Variants in PRDX4 observed in about 807,000 individuals in gnomAD.
The protein encoded by PRDX4 is peroxiredoxin-4.
PRDX4 carries 12 observed loss-of-function variants against 20.5 expected under a neutral mutation model. That is an observed-to-expected ratio of 0.58 (90% CI 0.37 to 0.95). The LOEUF is 0.95. PRDX4 is among the 40% of genes least tolerant of loss of function. The pLI is 0.01. For missense variants in PRDX4, 180 were observed against 207.3 expected (o/e 0.87, Z 0.81); for synonymous variants, 99 against 87.5 (o/e 1.13, Z -0.73).
chrX:23,671,685 T>C, intron 2 of PRDX4, 39 bp downstream of exon 2: 1 of 1,000,532 alleles, frequency 1.0e-6, no homozygotes, highest in African/African-American at 1.9e-5. Flanking sequence ...AATCTCAGTC[T>C]TTATCAATTA....
intron 4 of PRDX4, among the ~76,000 whole-genome samples, chrX:23,680,085 G>A (rs992420092): frequency 8.9e-6 from 1 of 112,588 alleles, no homozygotes; most frequent in African/African-American, 3.2e-5. Flanking sequence ...AACTATGTTA[G>A]CATCATAGAC....
Position 23,671,654 on chromosome X carries a change from A to T in PRDX4, c.359+8A>T. ...CTTCTACCCACTTGATTTGTAAGTA[A>T]TACATGTAAATAGCTAGTAAAATCT... On this transcript the variant is annotated splice_region_variant and intron_variant, in intron 2 of 6. Coordinates refer to ENST00000379341, the MANE Select transcript of PRDX4 (RefSeq NM_006406.2). 2.9e-6 allele frequency: 3 copies of T among 1,049,188 alleles called. No homozygotes were observed. Among genetic ancestry groups the T allele is most frequent in the Non-Finnish European group, 3.9e-6 (3 of 764,674 alleles). The allele number at this position is 1,049,188 out of a possible 1,213,427, so 86.5% of individuals were successfully genotyped here. A position where few individuals can be genotyped will look rare whatever the true frequency, so the allele number is the denominator to read the frequency against.
At position 23,679,124 on chromosome X, in the gene PRDX4, G is replaced by A. The variant is rs185508301; in HGVS notation, c.477-41G>A. 1.9e-5 allele frequency: 22 copies of A among 1,188,272 alleles called. No homozygotes were observed. The East Asian group carries it at 4.2e-4, about 23-fold the overall frequency. On this transcript the variant is annotated intron_variant, in intron 3 of 6. Coordinates refer to ENST00000379341, the MANE Select transcript of PRDX4 (RefSeq NM_006406.2). The stretch of plus-strand genomic sequence containing the variant: ...AAAGAGTGCTGTTTTAATATATGCC[G>A]TTTACTTAGCTCTGAGAGGTAAGCG...
chrX:23,680,383 T>C (rs1339760062), intron 4 of PRDX4, among the ~76,000 whole-genome samples: 1 of 112,205 alleles, frequency 8.9e-6, no homozygotes, highest in African/African-American at 3.2e-5. Flanking sequence ...ACGCTCTCAC[T>C]GGGTTACTTG....
rs1458619412 is a variant in PRDX4, at chrX:23,667,657, G to C, written c.87G>C (p.Leu29=). Residue 29 remains leucine (L), a synonymous_variant, in exon 1 of 7, where the codon CTG becomes CTC. Transcript: ENST00000379341. ...TTCTGCTGCCGCTACTGCTGTTCCT[G>C]CTGCCGGCTGGAGCTGTGCAGGGCT... ...RLLLLPLLLF[L]LPAGAVQGWE... is the part of the protein sequence containing the mutation. 8.3e-7 allele frequency: 1 copy of C among 1,208,019 alleles called. No individual in the cohort carries two copies. The highest frequency in any genetic ancestry group is 3.0e-5 in the East Asian group (1 of 33,637).
At chrX:23,685,371 C>G (rs1355998092) in intron 6 of PRDX4, among the ~76,000 whole-genome samples, 2 of 111,961 alleles carry the variant, frequency 1.8e-5, no homozygotes, top group African/African-American at 6.5e-5. Context: ...AAGCCAGCAG[C>G]TTCTGATTCA....
At chrX:23,668,639 T>C (rs1241377244) in intron 1 of PRDX4, among the ~76,000 whole-genome samples, 1 of 112,560 alleles carries the variant, frequency 8.9e-6, no homozygotes. Flanking sequence ...AAAGGCTGTC[T>C]CTTGCTTGCT....
In PRDX4 at chrX:23,676,789, C is replaced by T. The variant is rs1287949427; in HGVS notation, c.476+1683C>T. On this transcript the variant is annotated intron_variant, in intron 3 of 6. Transcript: ENST00000379341. Reference sequence around the variant, plus strand: ...CCTGGGCAATAGAGTGAGATCCTGTCTCAAAAAAAAAAAAAAAATTAAAAT... The same window carrying T: ...CCTGGGCAATAGAGTGAGATCCTGTTTCAAAAAAAAAAAAAAAATTAAAAT... Among the ~76,000 whole-genome samples the T allele has an allele frequency of 3.7e-5, 2 of 54,210 alleles. 1 individual carries two copies. The highest frequency in any genetic ancestry group is 6.8e-5 in the Non-Finnish European group (2 of 29,549). The allele number at this position is 54,210 out of a possible 115,157, so 47.1% of individuals were successfully genotyped here.
chrX:23,667,517 C>A lies in PRDX4; in HGVS notation c.-54C>A, dbSNP rs1927750360. 2.7e-6 allele frequency: 3 copies of A among 1,128,626 alleles called. No homozygotes were observed. Among genetic ancestry groups the A allele is most frequent in the Admixed American group, 5.6e-5 (2 of 35,549 alleles). 93.0% of individuals were successfully genotyped at this position (1,128,626 alleles called of 1,213,427 possible). Reference sequence around the variant, plus strand: ...CGTGCACGCGGTTGTAGCTGCCCGGCGGCGGCAGAAGCGGCGCTCGCGCCA... The same window carrying A: ...CGTGCACGCGGTTGTAGCTGCCCGGAGGCGGCAGAAGCGGCGCTCGCGCCA... On this transcript the variant is annotated 5_prime_UTR_variant, in exon 1 of 7. Coordinates refer to ENST00000379341, the MANE Select transcript of PRDX4 (RefSeq NM_006406.2).
In PRDX4 at chrX:23,679,073, ATG is replaced by A. The variant is rs758118521; in HGVS notation, c.477-85_477-84del. On this transcript the variant is annotated intron_variant, in intron 3 of 6. Transcript: ENST00000379341. ...GTTAGTGAAAGAATGTGTGTATTTC[ATG>A]TGTGTGCGTGTGCATGTATAGAGAA... 2.8e-5 allele frequency: 26 copies of A among 930,022 alleles called. No individual in the cohort carries two copies. The African/African-American group carries it at 4.9e-4, about 18-fold the overall frequency. The allele number at this position is 930,022 out of a possible 1,213,427, so 76.6% of individuals were successfully genotyped here.
Position 23,679,272 on chromosome X carries a change from C to G in PRDX4, c.584C>G (p.Ser195Ter). The G allele has an allele frequency of 8.3e-7, 1 of 1,204,502 alleles. No homozygotes were observed. Residue 195 changes from serine (S) to a stop codon, truncating the protein, a stop_gained, in exon 4 of 7, where the codon TCA (serine) becomes TGA (stop). Transcript: ENST00000379341. LOFTEE classifies it high-confidence loss of function. ...GACTATGGTGTATACCTAGAGGACT[C>G]AGGCCACACTCTTAGGTACCTTTCA... ...SKDYGVYLED[S>*]GHTLRGLFII...
At chrX:23,671,807 C>T (rs1927849570) in intron 2 of PRDX4, among the ~76,000 whole-genome samples, 161 bp downstream of exon 2, 1 of 112,008 alleles carries the variant, frequency 8.9e-6, no homozygotes, top group East Asian at 2.8e-4. Flanking sequence ...ATTTCAGAGT[C>T]ATAACACACC....
chrX:23,680,473 G>C (rs1465802186), intron 4 of PRDX4, among the ~76,000 whole-genome samples: 6 of 112,110 alleles, frequency 5.4e-5, no homozygotes, highest in Admixed American at 3.8e-4. Flanking sequence ...GTATTGATTT[G>C]CTTTGTAGTG....
Position 23,679,183 on chromosome X carries a change from A to T in PRDX4, c.495A>T (p.Arg165Ser). The T allele has an allele frequency of 8.3e-7, 1 of 1,209,035 alleles. No individual in the cohort carries two copies. ...GTTACAGGATTAATACCCCTCGAAG[A>T]CAAGGAGGACTTGGGCCAATAAGGA... ...THLAWINTPR[R>S]QGGLGPIRIP... The change falls in exon 4 of 7, where the codon AGA (arginine) becomes AGT (serine). Residue 165 changes from arginine to serine, a missense_variant. Arg to Ser is a moderately radical substitution (Grantham distance 110). Transcript: ENST00000379341.
At chrX:23,682,849 A>ATATATGTATATATAT (rs1304846182) in intron 5 of PRDX4, among the ~76,000 whole-genome samples, 1 of 39,261 alleles carries the variant, frequency 2.5e-5, no homozygotes, top group Non-Finnish European at 5.1e-5. Flanking sequence ...AAAAAAAAAA[A>ATATATGTATATATAT]AAAAATATAT....
chrX:23,673,503 A>G (rs1927883756), intron 2 of PRDX4, among the ~76,000 whole-genome samples: 1 of 112,772 alleles, frequency 8.9e-6, no homozygotes, highest in Non-Finnish European at 1.9e-5. Flanking sequence ...CTGTAATCCC[A>G]GCACTTTGGG....
intron 6 of PRDX4, 64 bp from the exon 7 acceptor site, chrX:23,686,221 G>GACTACTACT: frequency 1.1e-6 from 1 of 895,879 alleles, no homozygotes; most frequent in East Asian, 3.2e-5. Context: ...ACTAATGTCA[G>GACTACTACT]ACTACTCATT....
At position 23,667,514 on chromosome X, in the gene PRDX4, C is replaced by T. The variant is rs895280039; in HGVS notation, c.-57C>T. On this transcript the variant is annotated 5_prime_UTR_variant, in exon 1 of 7. Coordinates refer to ENST00000379341, the MANE Select transcript of PRDX4 (RefSeq NM_006406.2). Reference sequence around the variant, plus strand: ...CGTCGTGCACGCGGTTGTAGCTGCCCGGCGGCGGCAGAAGCGGCGCTCGCG... The same window carrying T: ...CGTCGTGCACGCGGTTGTAGCTGCCTGGCGGCGGCAGAAGCGGCGCTCGCG... 4 of 1,125,636 alleles carry T rather than the reference C, an allele frequency of 3.6e-6. No homozygotes were observed. Among genetic ancestry groups the T allele is most frequent in the East Asian group, 3.3e-5 (1 of 30,539 alleles). The allele number at this position is 1,125,636 out of a possible 1,213,427, so 92.8% of individuals were successfully genotyped here.
At chrX:23,682,235 G>C (rs1006756446) in intron 4 of PRDX4, among the ~76,000 whole-genome samples, 161 bp from the exon 5 acceptor site, 4 of 26,965 alleles carry the variant, frequency 1.5e-4, no homozygotes, top group African/African-American at 4.3e-4. Flanking sequence ...ATGTCCACAG[G>C]TGTGTGTACG....
Sources: gnomAD v4.1 joint callset for allele counts (sites outside exome capture counted in the v4.1 genomes callset) on GRCh38, gnomAD v4.1.1 for gene constraint, MANE v1.5 for transcripts, NCBI Gene and HGNC (gene_info 2026-07-23, HGNC 2026-07-21) for gene names.